Variants in ABCA9 observed in about 807,000 individuals in gnomAD.
ABCA9 encodes the protein ATP-binding cassette sub-family A member 9.
ABCA9 carries 183 observed loss-of-function variants against 205.3 expected under a neutral mutation model. The ratio of observed to expected loss-of-function variants is 0.89; its 90% CI spans 0.79 to 1.01. The LOEUF is 1.01. Among genes scored for constraint, ABCA9 ranks in the 50% least tolerant of loss-of-function variants. ABCA9 has a pLI of 0.00. For synonymous variants in ABCA9, 651 were observed against 683.3 expected (o/e 0.95, Z 0.74); for missense variants, 1,805 against 1,912.4 (o/e 0.94, Z 1.05).
chr17:68,986,395 C>T (rs937657553), intron 31 of ABCA9, 71 bp from the exon 32 acceptor site: 1 of 1,410,994 alleles, frequency 7.1e-7, no homozygotes, highest in African/African-American at 1.4e-5. Context: ...GTAAGCCGTA[C>T]TTCAGAGATG....
chr17:69,064,637 G>A (rs907042413), upstream of ABCA9, among the ~76,000 whole-genome samples: 4 of 152,184 alleles, frequency 2.6e-5, no homozygotes, highest in Non-Finnish European at 4.4e-5. Context: ...AGATGGTAGA[G>A]ATTAAAGGAA....
chr17:69,060,044 A>T (rs1363575356), intron 1 of ABCA9, among the ~76,000 whole-genome samples: 1 of 152,182 alleles, frequency 6.6e-6, no homozygotes, highest in Non-Finnish European at 1.5e-5. Flanking sequence ...CTTTCTGTGA[A>T]TTAATGTGTG....
chr17:68,992,808 T>C lies in ABCA9; in HGVS notation c.3624+208A>G, dbSNP rs142202994. 1,295 of 413,600 alleles carry C rather than the reference T, an allele frequency of 3.1e-3. 11 individuals are homozygous for C. The highest frequency in any genetic ancestry group is 0.03 in the African/African-American group (1,160 of 39,136). 25.6% of individuals were successfully genotyped at this position (413,600 alleles called of 1,614,324 possible). A position where few individuals can be genotyped will look rare whatever the true frequency, so the allele number is the denominator to read the frequency against. On this transcript the variant is annotated intron_variant, in intron 27 of 38. Transcript: ENST00000340001. ...AGTCTGGGCAACAAGAGTGAAACTC[T>C]GTCTCAAAAAAAAAAAAGGGGGGGG...
At chr17:68,988,969 G>T in intron 31 of ABCA9, 58 bp downstream of exon 31, 2 of 1,028,658 alleles carry the variant, frequency 1.9e-6, no homozygotes, top group Non-Finnish European at 3.0e-6. Flanking sequence ...GTCTATTATT[G>T]CCATCAATAT....
chr17:68,975,910 G>T lies in ABCA9; in HGVS notation c.*5C>A. 1.2e-6 allele frequency: 2 copies of T among 1,605,310 alleles called. No individual in the cohort carries two copies. Among genetic ancestry groups the T allele is most frequent in the Non-Finnish European group, 1.7e-6 (2 of 1,173,820 alleles). ...ATTAAAGAAAGATATAGGGTATTTGGAGCTTTAAGGCTCTTCCTGCAGGAG... is the reference window on the plus strand; with the variant it reads ...ATTAAAGAAAGATATAGGGTATTTGTAGCTTTAAGGCTCTTCCTGCAGGAG... On this transcript the variant is annotated 3_prime_UTR_variant, in exon 39 of 39. Coordinates refer to ENST00000340001, the MANE Select transcript of ABCA9 (RefSeq NM_080283.4).
chr17:69,072,645 A>G, the ABCA9 span, among the ~76,000 whole-genome samples: 1 of 152,136 alleles, frequency 6.6e-6, no homozygotes, highest in African/African-American at 2.4e-5. Context: ...CAAAAAAAAA[A>G]AACAAAATGT....
intron 28 of ABCA9, 140 bp downstream of exon 28, chr17:68,992,035 G>T: frequency 1.9e-6 from 1 of 524,308 alleles, no homozygotes; most frequent in Non-Finnish European, 3.4e-6. Context: ...CCTATATTAT[G>T]GGTTATAAGA....
At chr17:69,033,934 G>A (rs1300954336) in intron 8 of ABCA9, 61 bp from the exon 9 acceptor site, 2 of 1,339,750 alleles carry the variant, frequency 1.5e-6, no homozygotes, top group African/African-American at 1.5e-5. Context: ...AATTATTATT[G>A]TTTTATTTCT....
chr17:69,001,523 A>G (rs2069868031), intron 25 of ABCA9, among the ~76,000 whole-genome samples: 1 of 151,010 alleles, frequency 6.6e-6, no homozygotes, highest in Admixed American at 6.6e-5. Context: ...GTTTGCCAGT[A>G]TTTTATTGAG....
At position 68,992,241 on chromosome 17, in the gene ABCA9, A is replaced by C; in HGVS notation, c.3650T>G (p.Leu1217Arg). ...CATTTCTAGGCATCGCAGAATGAAA[A>C]GAAAAATGAGAAAATGAAGGTAAGG... Reference protein sequence around the residue: ...LIPYLHFLIFLFILRCLEMNC... With the variant: ...LIPYLHFLIFRFILRCLEMNC... Residue 1217 changes from leucine to arginine, a missense_variant, in exon 28 of 39, where the codon CTT becomes CGT. Leu to Arg is a moderately radical substitution (Grantham distance 102). Coordinates refer to ENST00000340001, the MANE Select transcript of ABCA9 (RefSeq NM_080283.4). 1 of 1,595,474 alleles carries C rather than the reference A, an allele frequency of 6.3e-7. No homozygotes were observed. Among genetic ancestry groups the C allele is most frequent in the South Asian group, 1.1e-5 (1 of 87,184 alleles).
intron 31 of ABCA9, chr17:68,986,646 A>T (rs576090243): frequency 1.8e-4 from 38 of 215,816 alleles, no homozygotes; most frequent in Middle Eastern, 1.5e-3. Context: ...CTTGTTGAGA[A>T]TTCTGTTTCG....
Position 69,016,092 on chromosome 17 carries a change from ATGTGTG to A in ABCA9, c.3039+155_3039+160del, listed in dbSNP as rs372014674. On this transcript the variant is annotated intron_variant, in intron 22 of 38. Coordinates refer to ENST00000340001, the MANE Select transcript of ABCA9 (RefSeq NM_080283.4). ...TATAAAATATTGCACACAGATTTAT[ATGTGTG>A]TGTGTATATATATATATATATATAT... Among the ~76,000 whole-genome samples the A allele has an allele frequency of 4.2e-3, 377 of 90,066 alleles. 1 individual carries two copies. The highest frequency in any genetic ancestry group is 7.4e-3 in the Middle Eastern group (1 of 136). 59.1% of individuals were successfully genotyped at this position (90,066 alleles called of 152,430 possible). A position where few individuals can be genotyped will look rare whatever the true frequency, so the allele number is the denominator to read the frequency against.
At chr17:69,035,001 T>C in intron 8 of ABCA9, 1 of 299,576 alleles carries the variant, frequency 3.3e-6, no homozygotes, top group Non-Finnish European at 6.1e-6. Flanking sequence ...ACAAATGTTC[T>C]CTGGGACAAC....
At chr17:68,983,557 G>A in intron 36 of ABCA9, 152 bp downstream of exon 36, 2 of 1,095,540 alleles carry the variant, frequency 1.8e-6, no homozygotes, top group Non-Finnish European at 1.3e-6. Context: ...TCCCTCTTGT[G>A]TGAGCCCTTG....
At chr17:69,048,903 C>T (rs911584693) in intron 3 of ABCA9, among the ~76,000 whole-genome samples, 4 of 152,142 alleles carry the variant, frequency 2.6e-5, no homozygotes, top group Admixed American at 1.3e-4. Context: ...AACATGTCAC[C>T]TCTTTTCATT....
chr17:68,976,338 G>T, intron 37 of ABCA9, 148 bp from the exon 38 acceptor site: 2 of 671,046 alleles, frequency 3.0e-6, no homozygotes, highest in Non-Finnish European at 5.1e-6. Context: ...AAGCAAACGC[G>T]ATATAGTCAT....
intron 6 of ABCA9, among the ~76,000 whole-genome samples, chr17:69,036,952 T>TA (rs569981506): frequency 9.2e-4 from 114 of 123,298 alleles, no homozygotes; most frequent in African/African-American, 3.4e-3. Flanking sequence ...CAACAAAGAT[T>TA]AAAAAAAGAC....
At chr17:68,986,822 T>C (rs1444889715) in intron 31 of ABCA9, 1 of 152,404 alleles carries the variant, frequency 6.6e-6, no homozygotes, top group Non-Finnish European at 1.5e-5. Context: ...ATCTAGTAAG[T>C]AGGGGCCAAG....
At chr17:69,041,603 T>G (rs903316275) in intron 6 of ABCA9, among the ~76,000 whole-genome samples, 2 of 151,800 alleles carry the variant, frequency 1.3e-5, no homozygotes, top group African/African-American at 2.4e-5. Context: ...ACTAGGGAGG[T>G]TGAGGCAGAA....
Sources: allele counts gnomAD v4.1 joint callset (sites outside exome capture counted in the v4.1 genomes callset), GRCh38; gene constraint gnomAD v4.1.1; transcripts MANE v1.5; gene names NCBI Gene and HGNC (gene_info 2026-07-23, HGNC 2026-07-21).